Variants in TPP2 observed in about 807,000 individuals in gnomAD.
The protein encoded by TPP2 is tripeptidyl-peptidase 2.
TPP2 carries 34 observed loss-of-function variants against 155.9 expected under a neutral mutation model. The ratio of observed to expected loss-of-function variants is 0.22; its 90% CI spans 0.17 to 0.29. The LOEUF (loss-of-function observed/expected upper bound fraction) is 0.29, where lower values mean the gene tolerates loss of function less well. Among genes scored for constraint, TPP2 ranks in the 10% least tolerant of loss-of-function variants. The pLI, the probability that TPP2 is intolerant of heterozygous loss-of-function variation, is 1.00. For synonymous variants in TPP2, 510 were observed against 529.4 expected, an observed-to-expected ratio of 0.96 and a Z score of 0.50; for missense variants, 1,028 against 1,522.3, an observed-to-expected ratio of 0.68 and a Z score of 5.40.
chr13:102,611,180 C>T (rs892460071), intron 2 of TPP2, among the ~76,000 whole-genome samples: 3 of 152,148 alleles, frequency 2.0e-5, no homozygotes, highest in African/African-American at 4.8e-5. Context: ...ATGGTTTGTA[C>T]CTACTACATT....
intron 23 of TPP2, 97 bp downstream of exon 23, chr13:102,649,583 GAAGA>G: frequency 4.6e-6 from 5 of 1,083,478 alleles, no homozygotes; most frequent in East Asian, 2.7e-5. Context: ...GGATAAAAGA[GAAGA>G]TATACTCTTG....
intron 16 of TPP2, among the ~76,000 whole-genome samples, chr13:102,642,236 G>GT (rs1211754549): frequency 6.6e-6 from 1 of 152,142 alleles, no homozygotes; most frequent in Non-Finnish European, 1.5e-5. Context: ...TGGAGTCAGA[G>GT]TTGCTGTGTT....
intron 24 of TPP2, chr13:102,655,131 G>A: frequency 2.2e-6 from 1 of 454,622 alleles, no homozygotes; most frequent in South Asian, 1.6e-5. Flanking sequence ...AAATGAGTCA[G>A]TGTGGAGATA....
intron 21 of TPP2, among the ~76,000 whole-genome samples, chr13:102,648,684 G>T (rs1331004758): frequency 6.6e-6 from 1 of 152,054 alleles, no homozygotes. Context: ...ACTTTACTCT[G>T]TGTGATGTTA....
intron 1 of TPP2, among the ~76,000 whole-genome samples, chr13:102,602,151 A>G (rs571191472): frequency 6.6e-6 from 1 of 152,332 alleles, no homozygotes; most frequent in Admixed American, 6.5e-5. Flanking sequence ...ATATTGGAAT[A>G]CATTTTAAAA....
rs72651346 is a variant in TPP2, at chr13:102,637,880, A to C, written c.1837-359A>C. 6.9e-3 allele frequency among the ~76,000 whole-genome samples: 1,050 copies of C among 152,288 alleles called. 8 individuals carry two copies. The highest frequency in any genetic ancestry group is 0.012 in the Non-Finnish European group (796 of 68,008). ...ATACCTTTTAGTACTCAGATGAAGA[A>C]AGCATCTGTTAAACAAATAGTTGTA... On this transcript the variant is annotated intron_variant, in intron 14 of 29. Transcript: ENST00000376052.
intron 1 of TPP2, among the ~76,000 whole-genome samples, chr13:102,604,434 T>G (rs1332172039): frequency 6.6e-6 from 1 of 152,196 alleles, no homozygotes; most frequent in Non-Finnish European, 1.5e-5. Context: ...ACATCTGACA[T>G]GTTCTTTATT....
intron 1 of TPP2, among the ~76,000 whole-genome samples, chr13:102,600,882 CTT>C (rs756311512): frequency 6.9e-6 from 1 of 144,648 alleles, no homozygotes; most frequent in Admixed American, 6.9e-5. Context: ...GTCCTAACCT[CTT>C]TTTTTTTTTT....
At chr13:102,627,985 T>C (rs1881759655) in intron 8 of TPP2, 61 bp downstream of exon 8, 6 of 1,348,442 alleles carry the variant, frequency 4.4e-6, no homozygotes, top group Non-Finnish European at 6.3e-6. Flanking sequence ...GTATGAGATG[T>C]TTTTCATAAG....
intron 25 of TPP2, among the ~76,000 whole-genome samples, chr13:102,662,060 A>T (rs1884264347): frequency 6.6e-6 from 1 of 152,220 alleles, no homozygotes; most frequent in African/African-American, 2.4e-5. Flanking sequence ...TGGTGTATCC[A>T]TACAGGGGAT....
At chr13:102,667,356 G>A (rs1210752828) in intron 27 of TPP2, among the ~76,000 whole-genome samples, 2 of 152,012 alleles carry the variant, frequency 1.3e-5, no homozygotes, top group Non-Finnish European at 2.9e-5. Context: ...TGATTTCAAG[G>A]TCCTTATTGA....
intron 25 of TPP2, among the ~76,000 whole-genome samples, chr13:102,660,999 A>G (rs1003276809): frequency 3.3e-5 from 5 of 152,194 alleles, no homozygotes; most frequent in Admixed American, 6.5e-5. Context: ...CTCAAAATGT[A>G]TCAAAGAGCT....
At chr13:102,601,598 G>A (rs1157085071) in intron 1 of TPP2, among the ~76,000 whole-genome samples, 3 of 152,112 alleles carry the variant, frequency 2.0e-5, no homozygotes, top group Non-Finnish European at 4.4e-5. Context: ...ATTTAATACC[G>A]AAGCTCTTAC....
intron 10 of TPP2, among the ~76,000 whole-genome samples, chr13:102,632,121 G>A (rs1487831168): frequency 6.6e-6 from 1 of 152,142 alleles, no homozygotes; most frequent in African/African-American, 2.4e-5. Context: ...GGGCATGGTG[G>A]TGGGTGCATG....
chr13:102,627,061 A>G lies in TPP2; in HGVS notation c.834A>G (p.Glu278=), dbSNP rs1881676213. ...VASIAAGHFP[E]EPERNGVAPG... ...GTATAGCTGCTGGACACTTTCCAGA[A>G]GAACCTGAACGGAATGGGGTAGCTC... Residue 278 remains glutamate, a synonymous_variant, in exon 7 of 30, where the codon GAA becomes GAG. Coordinates refer to ENST00000376052, the MANE Select transcript of TPP2 (RefSeq NM_001330588.2). 1 of 1,598,332 alleles carries G rather than the reference A, an allele frequency of 6.3e-7. No homozygotes were observed. Among genetic ancestry groups the G allele is most frequent in the African/African-American group, 1.4e-5 (1 of 74,050 alleles).
intron 14 of TPP2, 94 bp downstream of exon 14, chr13:102,637,333 C>G: frequency 2.2e-6 from 3 of 1,371,232 alleles, no homozygotes; most frequent in Non-Finnish European, 2.9e-6. Context: ...ATATTGCTTT[C>G]TTGCTAAGAA....
intron 15 of TPP2, among the ~76,000 whole-genome samples, chr13:102,639,392 TA>T (rs1266210365): frequency 3.3e-5 from 5 of 152,104 alleles, no homozygotes; most frequent in Non-Finnish European, 7.4e-5. Context: ...TAAAAAGTGG[TA>T]TACATGTGGA....
rs971011579 is a variant in TPP2 at position 102,598,946 on chromosome 13, A to G, written c.165+1743A>G. Among the ~76,000 whole-genome samples, 8 of 152,330 alleles carry G rather than the reference A, an allele frequency of 5.3e-5. No homozygotes were observed. In the East Asian group the frequency reaches 1.5e-3, roughly 29 times the overall value. On this transcript the variant is annotated intron_variant, in intron 1 of 29. Transcript: ENST00000376052. ...CAATGATATTTATTCTTTTTTGTATATATAATTTCAACTTTTATTTTAGAT... is the reference window on the plus strand; with the variant it reads ...CAATGATATTTATTCTTTTTTGTATGTATAATTTCAACTTTTATTTTAGAT...
intron 24 of TPP2, 67 bp from the exon 25 acceptor site, chr13:102,656,989 T>C (rs1181678215): frequency 1.3e-6 from 2 of 1,493,508 alleles, no homozygotes; most frequent in Non-Finnish European, 1.8e-6. Context: ...CATGTAGCTG[T>C]TGAAGATGAT....
Sources: allele counts gnomAD v4.1 joint callset (sites outside exome capture counted in the v4.1 genomes callset), GRCh38; gene constraint gnomAD v4.1.1; transcripts MANE v1.5; gene names NCBI Gene and HGNC (gene_info 2026-07-23, HGNC 2026-07-21).